The following MACROD1 variants were observed in gnomAD, a reference collection of about 807,000 sequenced individuals.
MACROD1 encodes ADP-ribose glycohydrolase MACROD1.
Under a neutral mutation model 41.4 loss-of-function variants are expected in MACROD1, and 31 were observed. That is an observed-to-expected ratio of 0.75 (90% CI 0.56 to 1.01). The LOEUF (loss-of-function observed/expected upper bound fraction) is 1.01. Among genes scored for constraint, MACROD1 ranks in the 50% least tolerant of loss-of-function variants. The pLI is 0.00. For synonymous variants in MACROD1, 252 were observed against 203.4 expected, an observed-to-expected ratio of 1.24 and a Z score of -2.03; for missense variants, 473 against 460.0, an observed-to-expected ratio of 1.03 and a Z score of -0.26.
intron 3 of MACROD1, among the ~76,000 whole-genome samples, chr11:64,053,593 G>A (rs1190986815): frequency 6.6e-6 from 1 of 152,200 alleles, no homozygotes; most frequent in African/African-American, 2.4e-5. Context: ...AGTGGGAGCA[G>A]GAAGTGGGAG....
intron 3 of MACROD1, among the ~76,000 whole-genome samples, chr11:64,125,969 G>A (rs1040834078): frequency 9.8e-5 from 15 of 152,328 alleles, no homozygotes; most frequent in Non-Finnish European, 2.2e-4. Flanking sequence ...TGGCGGATGC[G>A]GGGCCGCCAC....
chr11:64,050,001 T>C (rs1462218637), intron 3 of MACROD1, among the ~76,000 whole-genome samples: 1 of 152,190 alleles, frequency 6.6e-6, no homozygotes, highest in Non-Finnish European at 1.5e-5. Context: ...TGCCATATTA[T>C]AAATAATGCT....
At chr11:64,143,912 T>C (rs1327459890) in intron 3 of MACROD1, among the ~76,000 whole-genome samples, 1 of 152,014 alleles carries the variant, frequency 6.6e-6, no homozygotes, top group African/African-American at 2.4e-5. Flanking sequence ...CATTTCACCA[T>C]TAGCACAATG....
Position 64,082,791 on chromosome 11 carries a change from T to G in MACROD1, c.518-67510A>C, listed in dbSNP as rs1391253223. ...TTTGGGACCCCTGAAAGTCACCTGC[T>G]CCCATTTCCCCTGTTTCCCTCAGCT... On this transcript the variant is annotated intron_variant, in intron 3 of 10. Coordinates refer to ENST00000255681, the MANE Select transcript of MACROD1 (RefSeq NM_014067.4). This position sits in a 1 kb window ranked among gnomAD's most constrained non-coding sequence, Gnocchi z 4.5. Among the ~76,000 whole-genome samples the G allele has an allele frequency of 6.6e-6, 1 of 152,082 alleles. No homozygotes were observed. Among genetic ancestry groups the G allele is most frequent in the Non-Finnish European group, 1.5e-5 (1 of 67,996 alleles).
chr11:64,068,562 C>T (rs747929684), intron 3 of MACROD1, among the ~76,000 whole-genome samples: 1 of 152,246 alleles, frequency 6.6e-6, no homozygotes, highest in Non-Finnish European at 1.5e-5. Flanking sequence ...TCTTACAGAG[C>T]CCCGCATTCC....
At chr11:64,127,779 C>T (rs990089183) in intron 3 of MACROD1, among the ~76,000 whole-genome samples, 14 of 152,122 alleles carry the variant, frequency 9.2e-5, no homozygotes, top group Admixed American at 4.6e-4. Flanking sequence ...TGGGACTGTC[C>T]GGGTGTTTGG....
At chr11:64,000,043 C>A in intron 5 of MACROD1, 184 bp downstream of exon 5, 1 of 633,258 alleles carries the variant, frequency 1.6e-6, no homozygotes, top group Non-Finnish European at 2.7e-6. Context: ...TCAGCCTCCA[C>A]GCACGGTCTC....
chr11:64,118,937 A>C (rs370302486), intron 3 of MACROD1: 7 of 167,200 alleles, frequency 4.2e-5, no homozygotes, highest in Middle Eastern at 3.4e-3. Flanking sequence ...TAAAAAAAAA[A>C]AACAAACTTT....
intron 3 of MACROD1, among the ~76,000 whole-genome samples, chr11:64,124,719 T>C (rs1195882914): frequency 6.6e-6 from 1 of 152,104 alleles, no homozygotes; most frequent in Non-Finnish European, 1.5e-5. Flanking sequence ...TTGCTCTTGT[T>C]GCCCAGGCTG....
intron 3 of MACROD1, among the ~76,000 whole-genome samples, chr11:64,101,610 G>C (rs1031477175): frequency 2.6e-5 from 4 of 152,098 alleles, no homozygotes; most frequent in Non-Finnish European, 5.9e-5. Flanking sequence ...TCCATCTCTC[G>C]CTTTCATGGA....
chr11:64,046,027 A>G (rs773440738), intron 3 of MACROD1, among the ~76,000 whole-genome samples: 1 of 152,232 alleles, frequency 6.6e-6, no homozygotes, highest in Non-Finnish European at 1.5e-5. Flanking sequence ...TTTAATCCCC[A>G]TAAGTGGGCA....
At chr11:64,009,958 C>T (rs911753245) in intron 4 of MACROD1, among the ~76,000 whole-genome samples, 1 of 152,188 alleles carries the variant, frequency 6.6e-6, no homozygotes, top group Non-Finnish European at 1.5e-5. Flanking sequence ...AGGGTGTTGG[C>T]CGGGGTGTTG....
intron 1 of MACROD1, among the ~76,000 whole-genome samples, chr11:64,152,737 G>A (rs890055277): frequency 6.6e-5 from 10 of 152,168 alleles, no homozygotes; most frequent in African/African-American, 7.2e-5. Flanking sequence ...GGGTGAAGAC[G>A]TCCCCTGCAG....
chr11:64,157,976 C>T (rs1487099436), intron 1 of MACROD1, among the ~76,000 whole-genome samples: 1 of 152,232 alleles, frequency 6.6e-6, no homozygotes, highest in Non-Finnish European at 1.5e-5. Context: ...AGCCCCTCTC[C>T]TCTACCCTGC....
At chr11:64,005,729 C>T (rs1942900206) in intron 4 of MACROD1, among the ~76,000 whole-genome samples, 1 of 152,238 alleles carries the variant, frequency 6.6e-6, no homozygotes, top group Non-Finnish European at 1.5e-5. Flanking sequence ...GCAGGGGATT[C>T]CTTTGCCCTG....
intron 3 of MACROD1, among the ~76,000 whole-genome samples, chr11:64,132,716 G>A (rs957161116): frequency 2.0e-5 from 3 of 152,162 alleles, no homozygotes; most frequent in Non-Finnish European, 4.4e-5. Context: ...TTCCCCATGT[G>A]ACCATCCAGA....
At chr11:64,011,341 G>A (rs1401073319) in intron 4 of MACROD1, among the ~76,000 whole-genome samples, 1 of 151,714 alleles carries the variant, frequency 6.6e-6, no homozygotes, top group Non-Finnish European at 1.5e-5. Flanking sequence ...TGGTTGGGCT[G>A]TTGGCTAGGA....
intron 3 of MACROD1, among the ~76,000 whole-genome samples, chr11:64,085,262 C>T (rs1203487913): frequency 2.0e-5 from 3 of 152,172 alleles, no homozygotes; most frequent in Non-Finnish European, 2.9e-5. Flanking sequence ...CTGGGCACCA[C>T]GGAGGTGGTT....
intron 3 of MACROD1, among the ~76,000 whole-genome samples, chr11:64,145,129 A>C (rs1344987919): frequency 4.6e-5 from 7 of 152,224 alleles, no homozygotes; most frequent in African/African-American, 1.7e-4. Context: ...AGATTCTCAC[A>C]AATCAAAGCC....
Sources: allele counts gnomAD v4.1 joint callset (sites outside exome capture counted in the v4.1 genomes callset), GRCh38; gene constraint gnomAD v4.1.1; non-coding constraint Gnocchi (gnomAD v3.1); transcripts MANE v1.5; gene names NCBI Gene and HGNC (gene_info 2026-07-23, HGNC 2026-07-21).